Variants in BLTP3A observed in about 807,000 individuals in gnomAD.
The protein encoded by BLTP3A is ICBP90 binding protein 1.
chr6:34,872,307 C>A, the BLTP3A span: 1 of 1,601,650 alleles, frequency 6.2e-7, no homozygotes, highest in South Asian at 1.1e-5. Context: ...ACTTATTGTT[C>A]CTCAGGTGAA....
chr6:34,858,698 T>G, the BLTP3A span: 1 of 1,614,106 alleles, frequency 6.2e-7, no homozygotes, highest in African/African-American at 1.3e-5. Flanking sequence ...GAACATGACT[T>G]GAAAAGCTTA....
chr6:34,872,279 C>T, the BLTP3A span: 24 of 1,580,350 alleles, frequency 1.5e-5, 1 homozygote, highest in African/African-American at 8.2e-5. Context: ...ATGGTATTAC[C>T]GTATTTAACT....
At chr6:34,837,743 G>A in the BLTP3A span, among the ~76,000 whole-genome samples, 1 of 149,448 alleles carries the variant, frequency 6.7e-6, no homozygotes, top group Admixed American at 6.6e-5. Flanking sequence ...GGAAAGAAAG[G>A]AGCAATGACA....
the BLTP3A span, among the ~76,000 whole-genome samples, chr6:34,822,510 G>GT: frequency 6.6e-6 from 1 of 152,108 alleles, no homozygotes; most frequent in African/African-American, 2.4e-5. Flanking sequence ...AAGTGCTGGG[G>GT]TTACGGGCGT....
At chr6:34,822,682 C>T in the BLTP3A span, among the ~76,000 whole-genome samples, 3 of 151,680 alleles carry the variant, frequency 2.0e-5, no homozygotes, top group African/African-American at 7.3e-5. Context: ...ATGGTGAAAC[C>T]CCATCTCTAC....
chr6:34,827,138 C>T, the BLTP3A span, among the ~76,000 whole-genome samples: 10 of 152,116 alleles, frequency 6.6e-5, no homozygotes, highest in African/African-American at 2.4e-4. Context: ...TAGCGAAACC[C>T]CATCTCTACT....
At chr6:34,795,798 A>G in the BLTP3A span, among the ~76,000 whole-genome samples, 1 of 152,200 alleles carries the variant, frequency 6.6e-6, no homozygotes, top group Non-Finnish European at 1.5e-5. Flanking sequence ...AGTAGGAATA[A>G]GTATCACAGA....
At chr6:34,831,526 C>T in the BLTP3A span, among the ~76,000 whole-genome samples, 1 of 151,958 alleles carries the variant, frequency 6.6e-6, no homozygotes, top group Non-Finnish European at 1.5e-5. Context: ...GTTTTTGTAT[C>T]TTGTTTAAGT....
chr6:34,870,929 G>A, the BLTP3A span: 1 of 1,614,136 alleles, frequency 6.2e-7, no homozygotes, highest in Non-Finnish European at 8.5e-7. Context: ...TTTGAGGTGG[G>A]GCCTGGAGCA....
the BLTP3A span, among the ~76,000 whole-genome samples, chr6:34,862,782 C>T: frequency 2.7e-5 from 4 of 147,734 alleles, no homozygotes; most frequent in Admixed American, 6.8e-5. Context: ...TGCAGTGAGC[C>T]GAGATCATGC....
the BLTP3A span, among the ~76,000 whole-genome samples, chr6:34,837,487 C>T: frequency 6.6e-6 from 1 of 151,850 alleles, no homozygotes; most frequent in African/African-American, 2.4e-5. Flanking sequence ...AGTTTGAGAC[C>T]AGCCTGGGCA....
At chr6:34,851,235 G>A in the BLTP3A span, among the ~76,000 whole-genome samples, 3 of 151,910 alleles carry the variant, frequency 2.0e-5, no homozygotes, top group Admixed American at 1.3e-4. Flanking sequence ...AAAGAGTTAG[G>A]TATTTATCAT....
chr6:34,809,854 CCTAAAAA>C, the BLTP3A span, among the ~76,000 whole-genome samples: 1,627 of 152,218 alleles, frequency 0.011, 31 homozygotes, highest in African/African-American at 0.037. Context: ...CTGTGCCTGG[CCTAAAAA>C]CTTACTACTA....
chr6:34,857,864 T>A, the BLTP3A span: 2 of 1,614,002 alleles, frequency 1.2e-6, no homozygotes, highest in Admixed American at 1.7e-5. Flanking sequence ...GCTGGAAGAT[T>A]CAAGTCAGAA....
the BLTP3A span, among the ~76,000 whole-genome samples, chr6:34,849,581 A>G: frequency 3.9e-5 from 6 of 152,148 alleles, no homozygotes; most frequent in Non-Finnish European, 7.4e-5. Context: ...TAGTCTTTCT[A>G]TTCAAGATAT....
the BLTP3A span, among the ~76,000 whole-genome samples, chr6:34,809,384 C>T: frequency 3.3e-5 from 5 of 152,222 alleles, no homozygotes; most frequent in East Asian, 9.7e-4. Context: ...CAGAGCAAGA[C>T]TCTGTCTCAA....
At chr6:34,858,952 A>T in the BLTP3A span, 3 of 1,614,078 alleles carry the variant, frequency 1.9e-6, no homozygotes, top group South Asian at 3.3e-5. Flanking sequence ...TCCCCTGCAG[A>T]ATCAGACAGC....
the BLTP3A span, among the ~76,000 whole-genome samples, chr6:34,863,312 G>C: frequency 6.6e-6 from 1 of 152,156 alleles, no homozygotes. Context: ...TTTTCACTGT[G>C]TTAATGCCTT....
chr6:34,857,029 A>G, the BLTP3A span: 1 of 1,422,764 alleles, frequency 7.0e-7, no homozygotes, highest in Non-Finnish European at 9.5e-7. Context: ...GGGACTATTT[A>G]CCTCACTTCT....
Sources: allele counts gnomAD v4.1 joint callset (sites outside exome capture counted in the v4.1 genomes callset), GRCh38; gene constraint gnomAD v4.1.1; transcripts MANE v1.5; gene names NCBI Gene and HGNC (gene_info 2026-07-23, HGNC 2026-07-21).